Variants in TTC7B observed in about 807,000 individuals in gnomAD.
TTC7B encodes tetratricopeptide repeat domain 7B.
TTC7B carries 28 observed loss-of-function variants against 106.8 expected under a neutral mutation model. The observed-to-expected ratio is 0.26, with a 90% CI of 0.19 to 0.36. TTC7B has a LOEUF of 0.36. Ranked by LOEUF, TTC7B falls within the 10% of genes least tolerant of loss-of-function variation. TTC7B has a pLI of 1.00. For synonymous variants in TTC7B, 405 were observed against 430.6 expected (o/e 0.94, Z 0.74); for missense variants, 862 against 1,076.4 (o/e 0.80, Z 2.79).
intron 15 of TTC7B, among the ~76,000 whole-genome samples, chr14:90,637,277 A>T (rs575599824): frequency 2.6e-5 from 4 of 152,266 alleles, no homozygotes; most frequent in African/African-American, 9.6e-5. Flanking sequence ...TGAAATGGAC[A>T]AATCCTTACA....
rs184785852 is a variant in TTC7B at position 90,705,492 on chromosome 14, C to A, written c.699-9914G>T. On this transcript the variant is annotated intron_variant, in intron 5 of 19. Coordinates refer to ENST00000328459, the MANE Select transcript of TTC7B (RefSeq NM_001010854.2). ...GGGTTCCCAGGGCAGGGATTCCCTC[C>A]CCTGCCCTCTGCTGGGTACTGTTCT... Among the ~76,000 whole-genome samples, 392 of 152,256 alleles carry A rather than the reference C, an allele frequency of 2.6e-3. 4 individuals are homozygous for A. The highest frequency in any genetic ancestry group is 8.9e-3 in the African/African-American group (369 of 41,538).
chr14:90,593,745 G>T, intron 17 of TTC7B, 119 bp from the exon 18 acceptor site: 2 of 1,065,458 alleles, frequency 1.9e-6, no homozygotes, highest in Non-Finnish European at 2.5e-6. Flanking sequence ...ATGTTTCTAA[G>T]ATTTACTGTC....
At chr14:90,787,703 C>T (rs1017225977) in intron 1 of TTC7B, among the ~76,000 whole-genome samples, 37 of 152,206 alleles carry the variant, frequency 2.4e-4, no homozygotes, top group African/African-American at 8.9e-4. Context: ...AGAAGTTGGC[C>T]CAAAACTGCT....
chr14:90,727,883 A>C (rs997459408), intron 5 of TTC7B, among the ~76,000 whole-genome samples: 2 of 152,168 alleles, frequency 1.3e-5, no homozygotes, highest in Non-Finnish European at 1.5e-5. Flanking sequence ...GTACCTCACA[A>C]GGAAGCGTGG....
intron 18 of TTC7B, among the ~76,000 whole-genome samples, chr14:90,589,577 G>C (rs533947086): frequency 6.6e-6 from 1 of 152,268 alleles, no homozygotes; most frequent in South Asian, 2.1e-4. Context: ...ATGCAAGGTT[G>C]GTTAAATCCG....
intron 19 of TTC7B, among the ~76,000 whole-genome samples, chr14:90,560,029 T>G (rs538232957): frequency 6.6e-6 from 1 of 152,276 alleles, no homozygotes; most frequent in Admixed American, 6.5e-5. Context: ...ATCAGATCTG[T>G]GCCACAAGCG....
At chr14:90,591,957 C>T (rs1891977496) in intron 18 of TTC7B, among the ~76,000 whole-genome samples, 1 of 152,226 alleles carries the variant, frequency 6.6e-6, no homozygotes, top group African/African-American at 2.4e-5. Flanking sequence ...AGAAGAACAA[C>T]TGTGAATTCA....
intron 3 of TTC7B, among the ~76,000 whole-genome samples, chr14:90,770,735 C>T (rs1890837666): frequency 6.6e-6 from 1 of 151,970 alleles, no homozygotes; most frequent in African/African-American, 2.4e-5. Context: ...ACCTAAGAGA[C>T]ATAAACAGTC....
chr14:90,549,975 G>A (rs760831665), intron 19 of TTC7B, among the ~76,000 whole-genome samples: 2 of 152,078 alleles, frequency 1.3e-5, no homozygotes, highest in African/African-American at 2.4e-5. Flanking sequence ...GAACAGACTC[G>A]CTGTGCAATA....
intron 12 of TTC7B, among the ~76,000 whole-genome samples, chr14:90,654,319 A>G (rs574607662): frequency 6.6e-6 from 1 of 152,180 alleles, no homozygotes; most frequent in Non-Finnish European, 1.5e-5. Context: ...TTTGTTTTGC[A>G]TTTGTGTTAT....
intron 3 of TTC7B, among the ~76,000 whole-genome samples, chr14:90,751,846 C>T (rs1163356602): frequency 1.3e-5 from 2 of 152,126 alleles, no homozygotes; most frequent in Admixed American, 6.6e-5. Flanking sequence ...CTCTCTATCT[C>T]GTGGGAAAAG....
intron 9 of TTC7B, among the ~76,000 whole-genome samples, chr14:90,659,230 TGAGA>T (rs1555386583): frequency 2.7e-5 from 4 of 146,960 alleles, no homozygotes; most frequent in South Asian, 4.3e-4. Flanking sequence ...TGTGTGTGTG[TGAGA>T]GAGAGAGAGT....
chr14:90,797,737 C>A (rs2029969277), intron 1 of TTC7B, among the ~76,000 whole-genome samples: 1 of 152,176 alleles, frequency 6.6e-6, no homozygotes, highest in Non-Finnish European at 1.5e-5. Flanking sequence ...CAGATATATG[C>A]AATCTTCAGC....
chr14:90,595,060 G>A (rs567272434), intron 17 of TTC7B, among the ~76,000 whole-genome samples: 221 of 152,322 alleles, frequency 1.5e-3, no homozygotes, highest in Middle Eastern at 3.4e-3. Context: ...GTGGCCGGGC[G>A]CGGTGGCTCA....
intron 3 of TTC7B, among the ~76,000 whole-genome samples, chr14:90,778,729 G>A (rs1453486699): frequency 1.3e-5 from 2 of 152,218 alleles, no homozygotes; most frequent in East Asian, 3.8e-4. Flanking sequence ...ATGCTGTCAG[G>A]ACCCCAGAGG....
intron 3 of TTC7B, among the ~76,000 whole-genome samples, chr14:90,769,708 G>A (rs955215844): frequency 3.9e-5 from 6 of 151,966 alleles, no homozygotes; most frequent in African/African-American, 1.4e-4. Context: ...GGTTGAGGCT[G>A]CAGTGAGCTG....
At chr14:90,698,824 A>G in intron 5 of TTC7B, 1 of 182,620 alleles carries the variant, frequency 5.5e-6, no homozygotes. Context: ...CACTGTCCTC[A>G]GCCCATTATG....
chr14:90,745,427 G>GACGC (rs1889929770), intron 3 of TTC7B, among the ~76,000 whole-genome samples: 2 of 152,078 alleles, frequency 1.3e-5, no homozygotes, highest in African/African-American at 4.8e-5. Flanking sequence ...GTTTTTCTTA[G>GACGC]ACGCCCTTTA....
At chr14:90,561,708 C>G (rs1048536765) in intron 19 of TTC7B, among the ~76,000 whole-genome samples, 1 of 152,218 alleles carries the variant, frequency 6.6e-6, no homozygotes, top group African/African-American at 2.4e-5. Flanking sequence ...GCTCCTGACA[C>G]TTATCCAAGA....
Sources: gnomAD v4.1 joint callset for allele counts (sites outside exome capture counted in the v4.1 genomes callset) on GRCh38, gnomAD v4.1.1 for gene constraint, MANE v1.5 for transcripts, NCBI Gene and HGNC (gene_info 2026-07-23, HGNC 2026-07-21) for gene names.